MADD: variants seen among roughly 807,000 people sequenced by gnomAD.
MADD encodes MAP kinase activating death domain.
In MADD, 109 loss-of-function variants were observed where a neutral mutation model predicts 176.7. The ratio of observed to expected loss-of-function variants is 0.62; its 90% CI spans 0.53 to 0.72. The LOEUF (loss-of-function observed/expected upper bound fraction) is 0.72, where lower values mean the gene tolerates loss of function less well. Among genes scored for constraint, MADD ranks in the 30% least tolerant of loss-of-function variants. The pLI, the probability that MADD is intolerant of heterozygous loss-of-function variation, is 0.00. For missense variants in MADD, 1,914 were observed against 2,045.5 expected, an observed-to-expected ratio of 0.94 and a Z score of 1.24; for synonymous variants, 771 against 771.3, an observed-to-expected ratio of 1.00 and a Z score of 0.01.
At chr11:47,311,839 C>A in exon 26 of MADD, 1 of 1,610,236 alleles carries the variant, frequency 6.2e-7, no homozygotes, top group Admixed American at 1.7e-5. Context: ...AGCTGGCGAA[C>A]CTGGTAAGCA....
intron 27 of MADD, among the ~76,000 whole-genome samples, chr11:47,320,069 C>CTT (rs551543837): frequency 3.0e-5 from 4 of 133,742 alleles, no homozygotes; most frequent in Non-Finnish European, 4.8e-5. Flanking sequence ...CTTTCCGTGT[C>CTT]TTTTTTTTTT....
intron 2 of MADD, 41 bp from the exon 3 acceptor site, chr11:47,274,522 C>T: frequency 6.7e-7 from 1 of 1,492,408 alleles, no homozygotes; most frequent in Non-Finnish European, 9.2e-7. Context: ...ATAGCCCATT[C>T]CATCCCTTCA....
At chr11:47,284,811 A>T in intron 12 of MADD, 130 bp from the exon 13 acceptor site, 1 of 1,360,726 alleles carries the variant, frequency 7.3e-7, no homozygotes, top group Non-Finnish European at 1.0e-6. Context: ...AACGGGTGCT[A>T]CAGAGATCAT....
At chr11:47,327,234 T>C (rs1407040130) in intron 31 of MADD, 1 of 998,266 alleles carries the variant, frequency 1.0e-6, no homozygotes, top group Admixed American at 5.6e-5. Context: ...CCACCTGGCC[T>C]CTGTGCCAGA....
chr11:47,327,660 T>TGG (rs1333849956), intron 31 of MADD: 1 of 985,326 alleles, frequency 1.0e-6, no homozygotes, highest in Non-Finnish European at 1.2e-6. Flanking sequence ...GAGAGATACT[T>TGG]GGGGGAATCT....
chr11:47,269,954 C>G (rs1958630944), upstream of MADD: 1 of 152,210 alleles, frequency 6.6e-6, no homozygotes. Flanking sequence ...CTGGGTCGGC[C>G]TGGCGCGCCC....
intron 22 of MADD, among the ~76,000 whole-genome samples, chr11:47,302,921 A>C (rs7127907): frequency 0.39 from 59,367 of 151,900 alleles, 12,454 homozygotes; most frequent in East Asian, 0.69. Context: ...TCTGTTCTAC[A>C]AGTGGATTTC....
chr11:47,290,927 G>A (rs2064607337), intron 19 of MADD, 111 bp downstream of exon 20: 2 of 859,548 alleles, frequency 2.3e-6, no homozygotes, highest in Admixed American at 2.6e-5. Context: ...TTGCTTCTTA[G>A]AGAGGGAAGG....
At chr11:47,285,682 G>A (rs973600641) in intron 14 of MADD, 92 bp downstream of exon 14, 24 of 1,557,548 alleles carry the variant, frequency 1.5e-5, no homozygotes, top group East Asian at 2.3e-5. Flanking sequence ...AACTTCACAT[G>A]TAGGGCTAGG....
chr11:47,278,040 A>G lies in MADD; in HGVS notation c.1096-125A>G, dbSNP rs1431167368. The G allele has an allele frequency of 8.5e-6, 6 of 709,326 alleles. No homozygotes were observed. In the Admixed American group the frequency reaches 1.2e-4, roughly 14 times the overall value. The allele number at this position is 709,326 out of a possible 1,614,324, so 43.9% of individuals were successfully genotyped here. A position where few individuals can be genotyped will look rare whatever the true frequency, so the allele number is the denominator to read the frequency against. On this transcript the variant is annotated intron_variant, in intron 5 of 32. Coordinates refer to ENST00000402192, the Ensembl canonical transcript of MADD. ...TGAAAAATTCTGAATTTTCAAATAC[A>G]TCTGGCCTCAAGAGTTTTGGAAGAG...
intron 19 of MADD, among the ~76,000 whole-genome samples, chr11:47,292,205 A>G (rs1366652819): frequency 6.6e-6 from 1 of 152,170 alleles, no homozygotes; most frequent in East Asian, 1.9e-4. Context: ...CCTAAGTTAC[A>G]TGATCTTGAT....
chr11:47,320,813 T>C (rs1459325145), intron 27 of MADD, among the ~76,000 whole-genome samples: 1 of 152,024 alleles, frequency 6.6e-6, no homozygotes, highest in African/African-American at 2.4e-5. Flanking sequence ...TCCTAGCTAC[T>C]GGGGAGGCTA....
At chr11:47,295,388 A>G (rs764801941) in intron 20 of MADD, 108 bp from the exon 23 acceptor site, 1 of 844,396 alleles carries the variant, frequency 1.2e-6, no homozygotes, top group Non-Finnish European at 2.0e-6. Flanking sequence ...TTCTCTAAGG[A>G]TGATAACAGA....
At chr11:47,298,136 G>A (rs909575700) in intron 22 of MADD, among the ~76,000 whole-genome samples, 5 of 152,264 alleles carry the variant, frequency 3.3e-5, no homozygotes, top group South Asian at 4.1e-4. Context: ...ACCATGGATC[G>A]TAAAAATTAA....
At chr11:47,326,924 G>A in intron 31 of MADD, 117 bp downstream of exon 35, 1 of 1,499,128 alleles carries the variant, frequency 6.7e-7, no homozygotes, top group Non-Finnish European at 8.9e-7. Context: ...GAAGTCAGGA[G>A]GAGCAGGAGT....
chr11:47,290,653 C>G (rs139657045), exon 19 of MADD: 1 of 1,614,000 alleles, frequency 6.2e-7, no homozygotes, highest in East Asian at 2.2e-5. Flanking sequence ...GTGTAAATAC[C>G]CCAGTTGGCA....
At chr11:47,277,981 CA>C (rs2052097891) in intron 5 of MADD, among the ~76,000 whole-genome samples, 183 bp from the exon 6 acceptor site, 2 of 152,164 alleles carry the variant, frequency 1.3e-5, no homozygotes, top group Admixed American at 1.3e-4. Flanking sequence ...CTACTGTATA[CA>C]AAAAAATGTA....
intron 3 of MADD, 113 bp downstream of exon 3, chr11:47,275,272 A>C: frequency 2.2e-6 from 2 of 891,314 alleles, no homozygotes; most frequent in Non-Finnish European, 3.5e-6. Flanking sequence ...AGACCTATTA[A>C]GCATATTTAG....
intron 19 of MADD, among the ~76,000 whole-genome samples, chr11:47,291,266 G>A (rs1288847265): frequency 6.6e-6 from 1 of 152,150 alleles, no homozygotes; most frequent in Non-Finnish European, 1.5e-5. Flanking sequence ...CTCCTCTGGG[G>A]CATGCCTGGC....
Sources: allele counts gnomAD v4.1 joint callset (sites outside exome capture counted in the v4.1 genomes callset), GRCh38; gene constraint gnomAD v4.1.1; transcripts MANE v1.5; gene names NCBI Gene and HGNC (gene_info 2026-07-23, HGNC 2026-07-21).